Variants in HCN1 observed in about 807,000 individuals in gnomAD.
HCN1 encodes potassium/sodium hyperpolarization-activated cyclic nucleotide-gated channel 1.
Under a neutral mutation model 78.9 loss-of-function variants are expected in HCN1, and 13 were observed. The observed-to-expected ratio is 0.16, with a 90% CI of 0.11 to 0.26. HCN1 has a LOEUF of 0.26. HCN1 is among the 10% of genes least tolerant of loss of function. The pLI is 1.00. For synonymous variants in HCN1, 552 were observed against 455.5 expected (o/e 1.21, Z -2.70); for missense variants, 810 against 1,154.3 (o/e 0.70, Z 4.32).
At chr5:45,681,306 T>A (rs1452574823) in intron 1 of HCN1, among the ~76,000 whole-genome samples, 1 of 152,124 alleles carries the variant, frequency 6.6e-6, no homozygotes, top group African/African-American at 2.4e-5. Flanking sequence ...TGCCCATGAT[T>A]TTTTGTTTGT....
intron 2 of HCN1, among the ~76,000 whole-genome samples, chr5:45,493,541 TA>T (rs1340211197): frequency 2.6e-5 from 4 of 152,092 alleles, no homozygotes; most frequent in Non-Finnish European, 5.9e-5. Context: ...CTACTTTTAT[TA>T]GAATATATTT....
chr5:45,306,459 C>A (rs1482391455), intron 5 of HCN1, among the ~76,000 whole-genome samples: 1 of 152,030 alleles, frequency 6.6e-6, no homozygotes, highest in Non-Finnish European at 1.5e-5. Flanking sequence ...TTGAAGAAAT[C>A]TATTAATGTT....
At chr5:45,598,560 G>A (rs1026888464) in intron 2 of HCN1, among the ~76,000 whole-genome samples, 1 of 152,144 alleles carries the variant, frequency 6.6e-6, no homozygotes, top group Non-Finnish European at 1.5e-5. Context: ...AGCCAAAATA[G>A]ACAAATGGGA....
intron 3 of HCN1, among the ~76,000 whole-genome samples, chr5:45,460,732 A>AAT (rs1275616403): frequency 2.6e-5 from 4 of 151,928 alleles, no homozygotes; most frequent in Non-Finnish European, 5.9e-5. Flanking sequence ...GAAGGAGGAC[A>AAT]ATAGGGAAGA....
Position 45,265,520 on chromosome 5 carries a change from A to T in HCN1, c.1783+1569T>A, listed in dbSNP as rs112616378. ...AATACGTTTGTTATATCTAATGATGATGTCCAAATACTGCCTTTACTTCTA... is the reference window on the plus strand; with the variant it reads ...AATACGTTTGTTATATCTAATGATGTTGTCCAAATACTGCCTTTACTTCTA... On this transcript the variant is annotated intron_variant, in intron 7 of 7. Coordinates refer to ENST00000303230, the MANE Select transcript of HCN1 (RefSeq NM_021072.4). Among the ~76,000 whole-genome samples, 1,101 of 152,324 alleles carry T rather than the reference A, an allele frequency of 7.2e-3. 10 individuals are homozygous for T. Among genetic ancestry groups the T allele is most frequent in the African/African-American group, 0.026 (1,061 of 41,576 alleles).
At chr5:45,347,234 G>A (rs1258594255) in intron 5 of HCN1, among the ~76,000 whole-genome samples, 6 of 152,250 alleles carry the variant, frequency 3.9e-5, no homozygotes, top group African/African-American at 7.2e-5. Context: ...TGCAGCCACC[G>A]CTGCTGATAC....
At chr5:45,557,196 T>C (rs1251254423) in intron 2 of HCN1, among the ~76,000 whole-genome samples, 1 of 152,116 alleles carries the variant, frequency 6.6e-6, no homozygotes, top group Non-Finnish European at 1.5e-5. Context: ...TGAAAACTTT[T>C]TTTTTAATTG....
intron 2 of HCN1, among the ~76,000 whole-genome samples, chr5:45,543,936 T>C (rs955561540): frequency 1.1e-4 from 16 of 151,794 alleles, no homozygotes; most frequent in African/African-American, 3.6e-4. Flanking sequence ...TAGAGAAGAG[T>C]CATGGTGGGA....
At chr5:45,270,879 T>A (rs1453032244) in intron 6 of HCN1, among the ~76,000 whole-genome samples, 1 of 152,184 alleles carries the variant, frequency 6.6e-6, no homozygotes, top group East Asian at 1.9e-4. Flanking sequence ...AGCATAGATA[T>A]AAGTTTAGTC....
chr5:45,354,570 AG>A (rs1746973131), intron 4 of HCN1, among the ~76,000 whole-genome samples: 1 of 152,054 alleles, frequency 6.6e-6, no homozygotes, highest in South Asian at 2.1e-4. Context: ...CTAGCTAATG[AG>A]AAACAGCAAC....
intron 2 of HCN1, among the ~76,000 whole-genome samples, chr5:45,465,039 T>G (rs769099108): frequency 3.3e-5 from 5 of 152,146 alleles, no homozygotes; most frequent in Non-Finnish European, 7.4e-5. Context: ...TCTTCATCTA[T>G]AAGGTGGACA....
intron 2 of HCN1, among the ~76,000 whole-genome samples, chr5:45,493,167 C>T (rs1001666762): frequency 6.6e-6 from 1 of 151,900 alleles, no homozygotes; most frequent in African/African-American, 2.4e-5. Context: ...TTTTGCAGCT[C>T]AACTGATTCT....
At chr5:45,633,400 T>C (rs1222354926) in intron 2 of HCN1, among the ~76,000 whole-genome samples, 1 of 151,970 alleles carries the variant, frequency 6.6e-6, no homozygotes, top group Non-Finnish European at 1.5e-5. Context: ...ATTGTAATCA[T>C]CTGGCCAAAA....
intron 1 of HCN1, among the ~76,000 whole-genome samples, chr5:45,691,770 T>A (rs903848133): frequency 6.6e-6 from 1 of 152,194 alleles, no homozygotes; most frequent in Non-Finnish European, 1.5e-5. Flanking sequence ...TATTATGAAC[T>A]GTATAATATG....
intron 3 of HCN1, among the ~76,000 whole-genome samples, chr5:45,400,915 T>C (rs1325647469): frequency 6.6e-6 from 1 of 152,124 alleles, no homozygotes; most frequent in Non-Finnish European, 1.5e-5. Flanking sequence ...AATCCTATTA[T>C]ATATGCTCTT....
At chr5:45,596,477 A>C (rs1456629578) in intron 2 of HCN1, among the ~76,000 whole-genome samples, 1 of 152,230 alleles carries the variant, frequency 6.6e-6, no homozygotes, top group Non-Finnish European at 1.5e-5. Flanking sequence ...CAGCTGATCA[A>C]ATAGGAATGT....
chr5:45,567,894 T>C (rs1254274065), intron 2 of HCN1, among the ~76,000 whole-genome samples: 1 of 132,442 alleles, frequency 7.6e-6, no homozygotes. Context: ...ACCTCTATCT[T>C]ACTTTCATAT....
intron 2 of HCN1, among the ~76,000 whole-genome samples, chr5:45,634,104 T>A (rs1259425783): frequency 6.6e-6 from 1 of 151,984 alleles, no homozygotes; most frequent in Non-Finnish European, 1.5e-5. Flanking sequence ...TTTTTAAAAA[T>A]TTTTATTGCT....
intron 4 of HCN1, among the ~76,000 whole-genome samples, chr5:45,379,827 A>G (rs915416493): frequency 1.3e-5 from 2 of 152,064 alleles, no homozygotes; most frequent in African/African-American, 4.8e-5. Flanking sequence ...ATAAAAACCA[A>G]TAGGAATGAT....
Sources: gnomAD v4.1 joint callset for allele counts (sites outside exome capture counted in the v4.1 genomes callset) on GRCh38, gnomAD v4.1.1 for gene constraint, MANE v1.5 for transcripts, NCBI Gene and HGNC (gene_info 2026-07-23, HGNC 2026-07-21) for gene names.